Variants in LYPLAL1 observed in about 807,000 individuals in gnomAD.
LYPLAL1 encodes lysophospholipase like 1.
In LYPLAL1, 23 loss-of-function variants were observed where a neutral mutation model predicts 19.7. The observed-to-expected ratio is 1.17, with a 90% confidence interval of 0.84 to 1.65. LYPLAL1 has a LOEUF of 1.65. Ranked by LOEUF, LYPLAL1 falls within the 40% of genes most tolerant of loss-of-function variation. LYPLAL1 has a pLI of 0.00. For missense variants in LYPLAL1, 355 were observed against 279.4 expected (o/e 1.27, Z -1.93); for synonymous variants, 119 against 96.3 (o/e 1.24, Z -1.38).
At chr1:219,296,599 G>A in the LYPLAL1 span, among the ~76,000 whole-genome samples, 1 of 152,244 alleles carries the variant, frequency 6.6e-6, no homozygotes, top group African/African-American at 2.4e-5. Flanking sequence ...GGAGGCAGGC[G>A]AGGGAAGCTA....
At chr1:219,244,171 A>T in the LYPLAL1 span, among the ~76,000 whole-genome samples, 1 of 152,222 alleles carries the variant, frequency 6.6e-6, no homozygotes, top group Non-Finnish European at 1.5e-5. Context: ...ACTGAGGATT[A>T]TTAAGTGACC....
chr1:219,416,705 G>A, the LYPLAL1 span, among the ~76,000 whole-genome samples: 53,091 of 152,096 alleles, frequency 0.35, 10,113 homozygotes, highest in East Asian at 0.61. Context: ...GAAAGGGGTG[G>A]TAACTTCCAG....
intron 1 of LYPLAL1, among the ~76,000 whole-genome samples, chr1:219,177,671 T>C (rs980452833): frequency 4.6e-5 from 7 of 152,240 alleles, no homozygotes; most frequent in African/African-American, 1.7e-4. Flanking sequence ...CTATTAATTT[T>C]ACCACCTAAA....
the LYPLAL1 span, among the ~76,000 whole-genome samples, chr1:219,383,821 G>A: frequency 2.0e-4 from 31 of 152,184 alleles, no homozygotes; most frequent in Non-Finnish European, 4.4e-4. Context: ...AATATTCAAC[G>A]TGAGCTTGAT....
the LYPLAL1 span, among the ~76,000 whole-genome samples, chr1:219,308,651 C>T: frequency 6.6e-6 from 1 of 152,156 alleles, no homozygotes; most frequent in South Asian, 2.1e-4. Context: ...AAGCCTCAAG[C>T]CATGGCAGCT....
At chr1:219,248,133 A>T in the LYPLAL1 span, among the ~76,000 whole-genome samples, 1 of 152,212 alleles carries the variant, frequency 6.6e-6, no homozygotes, top group Admixed American at 6.5e-5. Flanking sequence ...ATCACTTAAC[A>T]TATGAAACAT....
the LYPLAL1 span, among the ~76,000 whole-genome samples, chr1:219,359,667 G>GA: frequency 1.4e-4 from 21 of 152,008 alleles, no homozygotes; most frequent in Non-Finnish European, 2.5e-4. Flanking sequence ...CTTATGCAGA[G>GA]AAAAAAATCT....
chr1:219,237,694 TTCC>T, the LYPLAL1 span, among the ~76,000 whole-genome samples: 1 of 152,344 alleles, frequency 6.6e-6, no homozygotes, highest in East Asian at 1.9e-4. Flanking sequence ...TAGACTTCTC[TTCC>T]TCCAGGAAGC....
chr1:219,300,074 G>A, the LYPLAL1 span, among the ~76,000 whole-genome samples: 1 of 152,132 alleles, frequency 6.6e-6, no homozygotes, highest in African/African-American at 2.4e-5. Context: ...AGTCTCCTGG[G>A]CTCAGGCTAT....
the LYPLAL1 span, among the ~76,000 whole-genome samples, chr1:219,232,864 TAA>T: frequency 2.8e-5 from 4 of 144,448 alleles, no homozygotes; most frequent in Admixed American, 6.9e-5. Context: ...GGCTACTATT[TAA>T]AAAAAAAAAA....
intron 3 of LYPLAL1, chr1:219,198,782 A>G (rs1657824406): frequency 6.6e-6 from 1 of 152,210 alleles, no homozygotes; most frequent in African/African-American, 2.4e-5. Context: ...GTAAAATTAG[A>G]AGTGAACTAA....
At chr1:219,237,128 T>A in the LYPLAL1 span, among the ~76,000 whole-genome samples, 1 of 152,180 alleles carries the variant, frequency 6.6e-6, no homozygotes, top group Non-Finnish European at 1.5e-5. Flanking sequence ...AAAAGTCAGC[T>A]CAGCACAAAT....
chr1:219,193,031 C>A, intron 2 of LYPLAL1, 51 bp from the exon 3 acceptor site: 2 of 1,478,098 alleles, frequency 1.4e-6, no homozygotes, highest in East Asian at 2.3e-5. Flanking sequence ...CATCCATTTT[C>A]ATATTCCCTT....
chr1:219,401,276 A>C, the LYPLAL1 span, among the ~76,000 whole-genome samples: 1 of 151,686 alleles, frequency 6.6e-6, no homozygotes, highest in South Asian at 2.1e-4. Context: ...CCTGTAAGTA[A>C]TGCTCTTAAC....
chr1:219,308,438 T>G, the LYPLAL1 span, among the ~76,000 whole-genome samples: 1 of 152,148 alleles, frequency 6.6e-6, no homozygotes, highest in Non-Finnish European at 1.5e-5. Flanking sequence ...ATGGGAAAAA[T>G]GTCTCAGAGC....
At chr1:219,393,360 T>C in the LYPLAL1 span, among the ~76,000 whole-genome samples, 4 of 152,182 alleles carry the variant, frequency 2.6e-5, no homozygotes, top group Admixed American at 1.3e-4. Context: ...TTCATAGTTC[T>C]GTCCTCTGTC....
At chr1:219,385,686 G>A in the LYPLAL1 span, among the ~76,000 whole-genome samples, 1 of 151,988 alleles carries the variant, frequency 6.6e-6, no homozygotes, top group Non-Finnish European at 1.5e-5. Context: ...TTAAAAAGAA[G>A]GGGGAAAGGA....
At chr1:219,321,722 A>G in the LYPLAL1 span, among the ~76,000 whole-genome samples, 1 of 152,158 alleles carries the variant, frequency 6.6e-6, no homozygotes, top group Non-Finnish European at 1.5e-5. Flanking sequence ...GATTTGTTTG[A>G]CAAGTTCTCA....
the LYPLAL1 span, among the ~76,000 whole-genome samples, chr1:219,316,102 C>T: frequency 6.6e-6 from 1 of 152,106 alleles, no homozygotes; most frequent in Non-Finnish European, 1.5e-5. Flanking sequence ...GACTATTTAG[C>T]TCAGTTGATG....
Sources: gnomAD v4.1 joint callset for allele counts (sites outside exome capture counted in the v4.1 genomes callset) on GRCh38, gnomAD v4.1.1 for gene constraint, MANE v1.5 for transcripts, NCBI Gene and HGNC (gene_info 2026-07-23, HGNC 2026-07-21) for gene names.